The following FRMPD2 variants were observed in gnomAD, a reference collection of about 807,000 sequenced individuals.
FRMPD2 encodes the protein FERM and PDZ domain containing 2, also known as FERM and PDZ domain-containing protein 2.
Under a neutral mutation model 140.1 loss-of-function variants are expected in FRMPD2, and 96 were observed. That is an observed-to-expected ratio of 0.69 (90% confidence interval 0.58 to 0.81). The LOEUF (loss-of-function observed/expected upper bound fraction) is 0.81, where lower values mean the gene tolerates loss of function less well. Ranked by LOEUF, FRMPD2 falls within the 40% of genes least tolerant of loss-of-function variation. FRMPD2 has a pLI of 0.00. For synonymous variants in FRMPD2, 449 were observed against 547.6 expected (o/e 0.82, Z 2.52); for missense variants, 1,240 against 1,447.4 (o/e 0.86, Z 2.32).
At chr10:48,247,451 T>C (rs1051308197) in intron 3 of FRMPD2, among the ~76,000 whole-genome samples, 1 of 152,142 alleles carries the variant, frequency 6.6e-6, no homozygotes, top group African/African-American at 2.4e-5. Flanking sequence ...CAGGGACCAA[T>C]GTGATATGCA....
At chr10:48,181,054 T>C (rs782779613) in intron 20 of FRMPD2, 46 bp from the exon 21 acceptor site, 27 of 1,373,208 alleles carry the variant, frequency 2.0e-5, no homozygotes, top group Non-Finnish European at 2.6e-5. Flanking sequence ...AAAAGGCCGG[T>C]TTCTTGGTGG....
At chr10:48,267,851 G>A (rs1011905739) in intron 1 of FRMPD2, among the ~76,000 whole-genome samples, 5 of 152,218 alleles carry the variant, frequency 3.3e-5, no homozygotes, top group African/African-American at 1.2e-4. Flanking sequence ...CAGCATGCAT[G>A]AACCTTGAAC....
At chr10:48,238,233 A>T (rs567654834) in intron 7 of FRMPD2, 110 bp from the exon 8 acceptor site, 1 of 1,087,820 alleles carries the variant, frequency 9.2e-7, no homozygotes, top group East Asian at 2.4e-5. Context: ...CCACTGATGC[A>T]TGTCACCTTC....
chr10:48,223,188 G>A lies in FRMPD2; in HGVS notation c.1251C>T (p.Thr417=), dbSNP rs773991239. The A allele has an allele frequency of 6.2e-7, 1 of 1,613,986 alleles. No individual in the cohort carries two copies. Among genetic ancestry groups the A allele is most frequent in the South Asian group, 1.1e-5 (1 of 91,066 alleles). The part of the protein sequence containing the change: ...PEGWREQPQK[T]SMNTFTLFLR... Reference sequence around the variant, plus strand: ...GGAAGAGTGTGAAGGTATTCATGGAGGTCTTCTGAGGCTGCTCTCTCCAGC... The same window carrying A: ...GGAAGAGTGTGAAGGTATTCATGGAAGTCTTCTGAGGCTGCTCTCTCCAGC... The change falls in exon 11 of 29, where the codon ACC becomes ACT. Residue 417 remains threonine (T), a synonymous_variant. Coordinates refer to ENST00000374201, the MANE Select transcript of FRMPD2 (RefSeq NM_001018071.4).
Position 48,211,957 on chromosome 10 carries a change from C to T in FRMPD2, c.1608G>A (p.Leu536=), listed in dbSNP as rs1451569699. 2 of 1,613,364 alleles carry T rather than the reference C, an allele frequency of 1.2e-6. No individual in the cohort carries two copies. Among genetic ancestry groups the T allele is most frequent in the East Asian group, 4.5e-5 (2 of 44,850 alleles). ...CTCCAGGTCAGGAAGGCCTTACCCT[C>T]AAGAACTTCAGCTCAGCATCCTCTC... The part of the protein sequence containing the change: ...LWGEDAELKF[L]RVTQQLPEYG... Residue 536 remains leucine, a synonymous_variant, in exon 13 of 29, where the codon TTG becomes TTA. Transcript: ENST00000374201.
At chr10:48,185,699 GCTAATAC>G in intron 17 of FRMPD2, 54 bp from the exon 18 acceptor site, 3 of 1,373,294 alleles carry the variant, frequency 2.2e-6, no homozygotes, top group Non-Finnish European at 3.1e-6. Flanking sequence ...TTATTTGGGA[GCTAATAC>G]AAAAGGAGTA....
At chr10:48,210,139 C>T (rs1363730891) in intron 13 of FRMPD2, among the ~76,000 whole-genome samples, 1 of 152,136 alleles carries the variant, frequency 6.6e-6, no homozygotes, top group African/African-American at 2.4e-5. Context: ...GGGGAGAAAA[C>T]CTTTAACAAA....
intron 7 of FRMPD2, among the ~76,000 whole-genome samples, chr10:48,238,442 C>T (rs1416360392): frequency 6.6e-6 from 1 of 152,182 alleles, no homozygotes; most frequent in Non-Finnish European, 1.5e-5. Context: ...GGTCATGGGA[C>T]TGCAGCAGTT....
intron 5 of FRMPD2, among the ~76,000 whole-genome samples, chr10:48,240,821 A>G (rs1401611005): frequency 6.6e-6 from 1 of 151,874 alleles, no homozygotes; most frequent in Non-Finnish European, 1.5e-5. Context: ...AAGCCTCTCT[A>G]CCTCTGCCGT....
intron 28 of FRMPD2, among the ~76,000 whole-genome samples, chr10:48,159,595 T>G (rs1837879169): frequency 1.3e-5 from 2 of 151,978 alleles, no homozygotes; most frequent in African/African-American, 4.8e-5. Context: ...GCCTCCTAAT[T>G]ATCTTTTGCT....
chr10:48,188,365 C>G (rs968528252), intron 16 of FRMPD2, among the ~76,000 whole-genome samples: 1 of 152,186 alleles, frequency 6.6e-6, no homozygotes, highest in East Asian at 1.9e-4. Flanking sequence ...AGAAGTCCAG[C>G]CTCACAGTGA....
Position 48,249,018 on chromosome 10 carries a change from T to C in FRMPD2, c.309+3A>G. The C allele has an allele frequency of 6.2e-7, 1 of 1,607,668 alleles. No individual in the cohort carries two copies. Among genetic ancestry groups the C allele is most frequent in the South Asian group, 1.1e-5 (1 of 90,356 alleles). On this transcript the variant is annotated splice_donor_region_variant and intron_variant, in intron 3 of 28. Transcript: ENST00000374201. Reference sequence around the variant, plus strand: ...GAAGTTGCAGAGTAGCTGCACAGCTTACCTGAGATGCATCAGGCTGCTCAT... The same window carrying C: ...GAAGTTGCAGAGTAGCTGCACAGCTCACCTGAGATGCATCAGGCTGCTCAT...
intron 3 of FRMPD2, among the ~76,000 whole-genome samples, chr10:48,247,719 C>T (rs565958163): frequency 6.6e-6 from 1 of 152,316 alleles, no homozygotes; most frequent in East Asian, 1.9e-4. Flanking sequence ...GGTCCTTTAG[C>T]AGTCACACAG....
intron 14 of FRMPD2, among the ~76,000 whole-genome samples, chr10:48,206,430 T>G (rs1159344591): frequency 6.6e-6 from 1 of 152,184 alleles, no homozygotes; most frequent in African/African-American, 2.4e-5. Context: ...TCAACGTTAA[T>G]GGAGTCTCCA....
At chr10:48,220,263 GA>G (rs751952768) in intron 12 of FRMPD2, among the ~76,000 whole-genome samples, 2 of 152,142 alleles carry the variant, frequency 1.3e-5, no homozygotes, top group Non-Finnish European at 2.9e-5. Context: ...GAACAAAATA[GA>G]AATCCCAGAA....
chr10:48,201,242 G>C lies in FRMPD2; in HGVS notation c.1940C>G (p.Ser647Cys). 6.2e-7 allele frequency: 1 copy of C among 1,606,212 alleles called. No individual in the cohort carries two copies. Among genetic ancestry groups the C allele is most frequent in the Non-Finnish European group, 8.5e-7 (1 of 1,176,060 alleles). The change falls in exon 15 of 29, where the codon TCC (serine) becomes TGC (cysteine). Residue 647 changes from serine (S) to cysteine (C), a missense_variant. Physicochemically the swap from Ser to Cys is moderately radical, Grantham distance 112. Transcript: ENST00000374201. Reference sequence around the variant, plus strand: ...CTTCTACTCACCAAATAAAACATGGGAAGGCTGCCCAGAGCCCATCTGTGC... The same window carrying C: ...CTTCTACTCACCAAATAAAACATGGCAAGGCTGCCCAGAGCCCATCTGTGC... Reference protein sequence around the residue: ...FNAQMGSGQPSHVLFDHDKFV... With the variant: ...FNAQMGSGQPCHVLFDHDKFV...
intron 14 of FRMPD2, among the ~76,000 whole-genome samples, chr10:48,204,378 A>G (rs1412955331): frequency 6.6e-6 from 1 of 152,184 alleles, no homozygotes; most frequent in East Asian, 1.9e-4. Context: ...CAGCACTAGA[A>G]AGAGCAAAAA....
intron 1 of FRMPD2, among the ~76,000 whole-genome samples, chr10:48,260,841 T>C (rs1840576495): frequency 6.6e-6 from 1 of 152,184 alleles, no homozygotes; most frequent in African/African-American, 2.4e-5. Flanking sequence ...GGGATTATCA[T>C]ACCAGAAATG....
chr10:48,185,980 G>A (rs1423824914), intron 17 of FRMPD2, among the ~76,000 whole-genome samples: 1 of 152,210 alleles, frequency 6.6e-6, no homozygotes, highest in African/African-American at 2.4e-5. Flanking sequence ...CAAGACAGAG[G>A]ATGAGCAGAG....
Sources: gnomAD v4.1 joint callset for allele counts (sites outside exome capture counted in the v4.1 genomes callset) on GRCh38, gnomAD v4.1.1 for gene constraint, MANE v1.5 for transcripts, NCBI Gene and HGNC (gene_info 2026-07-23, HGNC 2026-07-21) for gene names.